Variants in EPHA10 observed in about 807,000 individuals in gnomAD.
EPHA10 encodes ephrin type-A receptor 10.
Under a neutral mutation model 109.7 loss-of-function variants are expected in EPHA10, and 120 were observed. The observed-to-expected ratio is 1.09, with a 90% confidence interval of 0.94 to 1.27. EPHA10 has a LOEUF of 1.27. EPHA10 is among the 50% of genes most tolerant of loss of function. EPHA10 has a pLI of 0.00. For missense variants in EPHA10, 1,396 were observed against 1,411.1 expected (o/e 0.99, Z 0.17); for synonymous variants, 640 against 618.9 (o/e 1.03, Z -0.51).
rs267598587 is a variant in EPHA10 at position 37,761,885 on chromosome 1, C to T, written c.370G>A (p.Glu124Lys). ...SIPGAAGTCK[E>K]TFNVYYLETE... ...TCCAGGTAGTAGACGTTGAAGGTCT[C>T]CTTGCAGGTACCCGCGGCGCCAGGG... Residue 124 changes from glutamate (E) to lysine (K), a missense_variant, in exon 3 of 17, where the codon GAG becomes AAG. Transcript: ENST00000373048. The T allele has an allele frequency of 2.5e-6, 4 of 1,611,562 alleles. No homozygotes were observed. The highest frequency in any genetic ancestry group is 3.4e-6 in the Non-Finnish European group (4 of 1,178,238).
chr1:37,751,144 G>C (rs1449415476), intron 5 of EPHA10, among the ~76,000 whole-genome samples: 1 of 140,946 alleles, frequency 7.1e-6, no homozygotes, highest in African/African-American at 2.7e-5. Flanking sequence ...CGCGGAGCTT[G>C]TAGTGAGCCA....
rs1646458378 is a variant in EPHA10 at position 37,764,435 on chromosome 1, G to A, written c.106+526C>T. 2.0e-5 allele frequency among the ~76,000 whole-genome samples: 3 copies of A among 152,342 alleles called. No individual in the cohort carries two copies. The highest frequency in any genetic ancestry group is 4.1e-4 in the South Asian group (2 of 4,826). On this transcript the variant is annotated intron_variant, in intron 1 of 16. Coordinates refer to ENST00000373048, the MANE Select transcript of EPHA10 (RefSeq NM_001099439.2). The surrounding 1 kb of genome is among the most constrained non-coding windows in gnomAD (Gnocchi z 5.8). ...CCTCAAACCCGGCAACGCGGAGCGC[G>A]CCCGGCAGACTACGCTCAGAATTCA...
rs904943009 is a variant in EPHA10 at position 37,716,333 on chromosome 1, C to A, written c.*2039G>T. ...CTGGGGTAGGGGGAGGAGATTTTGCCCTGCAGAGAATGACTGATGTAGCTG... is the reference window on the plus strand; with the variant it reads ...CTGGGGTAGGGGGAGGAGATTTTGCACTGCAGAGAATGACTGATGTAGCTG... On this transcript the variant is annotated 3_prime_UTR_variant, in exon 17 of 17. Coordinates refer to ENST00000373048, the MANE Select transcript of EPHA10 (RefSeq NM_001099439.2). 1.6e-5 allele frequency: 4 copies of A among 245,786 alleles called. No individual in the cohort carries two copies. Among genetic ancestry groups the A allele is most frequent in the Non-Finnish European group, 3.2e-5 (4 of 126,556 alleles). 15.2% of individuals were successfully genotyped at this position (245,786 alleles called of 1,614,324 possible).
chr1:37,719,716 G>T (rs559333164), intron 14 of EPHA10, 109 bp from the exon 15 acceptor site: 1 of 1,404,612 alleles, frequency 7.1e-7, no homozygotes. Context: ...ACACACATGC[G>T]CACACACAGA....
chr1:37,762,740 C>A, intron 2 of EPHA10, 45 bp downstream of exon 2: 1 of 1,512,510 alleles, frequency 6.6e-7, no homozygotes, highest in Non-Finnish European at 8.9e-7. Flanking sequence ...GTGTCCTGGA[C>A]CACCAGAGGA....
Position 37,721,745 on chromosome 1 carries a change from C to G in EPHA10, c.2061G>C (p.Gln687His). The G allele has an allele frequency of 6.2e-7, 1 of 1,612,754 alleles. No homozygotes were observed. The change falls in exon 11 of 17, where the codon CAG becomes CAC. Residue 687 changes from glutamine (Q) to histidine (H), a missense_variant. Gln to His is a conservative substitution (Grantham distance 24). Transcript: ENST00000373048. ...GGGCCTCGGCCAGGAAGCCGAGCCT[C>G]TGTGAGTCGGAGGCGCTGTCCCTCA... is the stretch of plus-strand genomic sequence containing the variant. ...HMLRDSASDS[Q>H]RLGFLAEALT...
chr1:37,719,680 G>C, intron 14 of EPHA10, 73 bp from the exon 15 acceptor site: 6 of 1,522,180 alleles, frequency 3.9e-6, no homozygotes, highest in Non-Finnish European at 5.4e-6. Flanking sequence ...ACACACACAT[G>C]CACACACACA....
Position 37,721,843 on chromosome 1 carries a change from G to T in EPHA10, c.1963C>A (p.Arg655=), listed in dbSNP as rs542105309. ...VTLERSLGGG[R]FGELCCGCLQ... The stretch of plus-strand genomic sequence containing the variant: ...CAGCCACAGCACAGCTCCCCAAACC[G>T]CCCTGTGGGGAAACAGCACCTCAGA... Residue 655 remains arginine (R), a splice_region_variant and synonymous_variant, in exon 11 of 17, where the codon CGG becomes AGG. Coordinates refer to ENST00000373048, the MANE Select transcript of EPHA10 (RefSeq NM_001099439.2). 1 of 1,580,754 alleles carries T rather than the reference G, an allele frequency of 6.3e-7. No individual in the cohort carries two copies. The highest frequency in any genetic ancestry group is 1.1e-5 in the South Asian group (1 of 87,820).
chr1:37,747,005 T>C (rs1270529796), intron 5 of EPHA10, among the ~76,000 whole-genome samples: 3 of 152,140 alleles, frequency 2.0e-5, no homozygotes, highest in African/African-American at 7.2e-5. Context: ...CCTTTCAGGG[T>C]GATGAAATGT....
At chr1:37,733,026 G>T (rs1223141509) in intron 6 of EPHA10, among the ~76,000 whole-genome samples, 2 of 150,832 alleles carry the variant, frequency 1.3e-5, no homozygotes, top group African/African-American at 4.9e-5. Context: ...CTGAGTAGCT[G>T]GGATTACAGG....
intron 7 of EPHA10, 93 bp downstream of exon 7, chr1:37,731,318 C>T (rs1645977580): frequency 7.3e-7 from 1 of 1,364,598 alleles, no homozygotes; most frequent in African/African-American, 1.5e-5. Flanking sequence ...CAGATAACTC[C>T]AGATAACTCT....
At chr1:37,715,832 G>C (rs371936874), downstream of EPHA10, 1 of 502,992 alleles carries the variant, frequency 2.0e-6, no homozygotes, top group African/African-American at 2.0e-5. Context: ...CATCTTTCAC[G>C]GCAGGAGCAG....
At chr1:37,753,727 C>A (rs184288189) in intron 4 of EPHA10, among the ~76,000 whole-genome samples, 1 of 72,678 alleles carries the variant, frequency 1.4e-5, no homozygotes, top group Non-Finnish European at 2.9e-5. Flanking sequence ...CAGGGGCGAG[C>A]GGGAGGAGGG....
chr1:37,730,517 G>A (rs755050382), intron 7 of EPHA10, among the ~76,000 whole-genome samples: 8 of 152,190 alleles, frequency 5.3e-5, no homozygotes, highest in Non-Finnish European at 1.2e-4. Context: ...AGTGGGTGGG[G>A]AGAAGAGGAA....
rs187414532 is a variant in EPHA10 at position 37,719,965 on chromosome 1, T to G, written c.2506A>C (p.Met836Leu). 8.1e-6 allele frequency: 13 copies of G among 1,613,986 alleles called. No individual in the cohort carries two copies. In the East Asian group the frequency reaches 2.9e-4, roughly 36 times the overall value. Residue 836 changes from methionine to leucine, a missense_variant, in exon 14 of 17, where the codon ATG becomes CTG. Met to Leu is a conservative substitution (Grantham distance 15). Transcript: ENST00000373048. The part of the protein sequence containing the change: ...ASDVWSFGII[M>L]WEVMAFGERP... ...TCCCCAAAGGCCATCACCTCCCACATGATGATGCCGAAGCTCCACACGTCA... is the reference window on the plus strand; with the variant it reads ...TCCCCAAAGGCCATCACCTCCCACAGGATGATGCCGAAGCTCCACACGTCA...
In EPHA10 at chr1:37,746,806, T is replaced by C. The variant is rs145954058; in HGVS notation, c.1357+6070A>G. Among the ~76,000 whole-genome samples the C allele has an allele frequency of 1.6e-4, 25 of 152,320 alleles. 2 individuals are homozygous for C. The East Asian group carries it at 4.0e-3, about 25-fold the overall frequency. On this transcript the variant is annotated intron_variant, in intron 5 of 16. Coordinates refer to ENST00000373048, the MANE Select transcript of EPHA10 (RefSeq NM_001099439.2). ...GCCATAAAAAGGAATGAAGTACTGA[T>C]ACGTGCTACAATATGGATGAAACTT...
chr1:37,763,747 T>A (rs1474114994), intron 1 of EPHA10, among the ~76,000 whole-genome samples: 2 of 152,140 alleles, frequency 1.3e-5, no homozygotes, highest in Non-Finnish European at 2.9e-5. Flanking sequence ...ACTCAGGGGC[T>A]TTTCTGAGGT....
intron 7 of EPHA10, among the ~76,000 whole-genome samples, chr1:37,729,416 G>A (rs1199527951): frequency 6.6e-6 from 1 of 152,216 alleles, no homozygotes; most frequent in Non-Finnish European, 1.5e-5. Context: ...TGACGCATAA[G>A]CGTTCACCAA....
chr1:37,723,589 A>C (rs943289696), intron 8 of EPHA10, among the ~76,000 whole-genome samples: 7 of 152,166 alleles, frequency 4.6e-5, no homozygotes, highest in African/African-American at 1.7e-4. Flanking sequence ...CGTCACCACC[A>C]CCACCATCCC....
Sources: allele counts gnomAD v4.1 joint callset (sites outside exome capture counted in the v4.1 genomes callset), GRCh38; gene constraint gnomAD v4.1.1; non-coding constraint Gnocchi (gnomAD v3.1); transcripts MANE v1.5; gene names NCBI Gene and HGNC (gene_info 2026-07-23, HGNC 2026-07-21).